Variants in GRHL3 observed in about 807,000 individuals in gnomAD.
The protein encoded by GRHL3 is grainyhead-like protein 3 homolog.
In GRHL3, 20 loss-of-function variants were observed where a neutral mutation model predicts 70.3. The ratio of observed to expected loss-of-function variants is 0.28; its 90% CI spans 0.20 to 0.41. The LOEUF (loss-of-function observed/expected upper bound fraction) is 0.41. GRHL3 is among the 10% of genes least tolerant of loss of function. GRHL3 has a pLI of 1.00. For synonymous variants in GRHL3, 299 were observed against 299.9 expected (o/e 1.00, Z 0.03); for missense variants, 637 against 762.3 (o/e 0.84, Z 1.94).
chr1:24,334,768 C>T lies in GRHL3; in HGVS notation c.266+62C>T, dbSNP rs1639732541. ...CCCCACCTCCACCTGGAGCCTCTTC[C>T]ACACAGGTTTGACTTATCCATTAGG... On this transcript the variant is annotated intron_variant, in intron 3 of 15. Transcript: ENST00000361548. The surrounding 1 kb of genome is among the most constrained non-coding windows in gnomAD (Gnocchi z 4.3). 9.3e-6 allele frequency: 13 copies of T among 1,390,444 alleles called. No individual in the cohort carries two copies. Among genetic ancestry groups the T allele is most frequent in the African/African-American group, 1.4e-5 (1 of 70,458 alleles). The allele number at this position is 1,390,444 out of a possible 1,614,324, so 86.1% of individuals were successfully genotyped here.
intron 1 of GRHL3, among the ~76,000 whole-genome samples, chr1:24,320,705 T>A (rs921842518): frequency 6.6e-6 from 1 of 152,238 alleles, no homozygotes; most frequent in African/African-American, 2.4e-5. Flanking sequence ...GCTCTTCATG[T>A]TCACAGCACA....
At chr1:24,343,880 C>T (rs185421783) in intron 11 of GRHL3, among the ~76,000 whole-genome samples, 6 of 152,276 alleles carry the variant, frequency 3.9e-5, no homozygotes, top group East Asian at 1.9e-4. Flanking sequence ...TAGACAGTGG[C>T]GCTGAGAAGA....
chr1:24,360,922 G>T (rs748824680), intron 15 of GRHL3: 3 of 1,614,050 alleles, frequency 1.9e-6, no homozygotes, highest in Non-Finnish European at 2.5e-6. Flanking sequence ...TGATGCACTA[G>T]AGATGAAATG....
intron 15 of GRHL3, 50 bp downstream of exon 15, chr1:24,350,172 T>C: frequency 6.8e-7 from 1 of 1,473,226 alleles, no homozygotes; most frequent in Non-Finnish European, 9.4e-7. Context: ...TGCTGAGCAA[T>C]GTTTGTACTT....
At chr1:24,359,025 G>A (rs1256948148), downstream of GRHL3, among the ~76,000 whole-genome samples, 1 of 152,180 alleles carries the variant, frequency 6.6e-6, no homozygotes, top group Non-Finnish European at 1.5e-5. This position sits in a 1 kb window ranked among gnomAD's most constrained non-coding sequence, Gnocchi z 5.3. Context: ...TAGGAGATGA[G>A]CAGGGCTTGG....
Position 24,335,157 on chromosome 1 carries a change from T to A in GRHL3, c.266+451T>A, listed in dbSNP as rs142728615. On this transcript the variant is annotated intron_variant, in intron 3 of 15. Transcript: ENST00000361548. ...GTAATAGAAAAGCCCTGGGGACAGCTTTTCTTTCTCAGCTTCAAAACCCTC... is the reference window on the plus strand; with the variant it reads ...GTAATAGAAAAGCCCTGGGGACAGCATTTCTTTCTCAGCTTCAAAACCCTC... 1.0e-3 allele frequency among the ~76,000 whole-genome samples: 159 copies of A among 152,166 alleles called. 1 individual carries two copies. Among genetic ancestry groups the A allele is most frequent in the African/African-American group, 3.7e-3 (154 of 41,514 alleles).
At chr1:24,328,793 C>T (rs549251665) in intron 1 of GRHL3, among the ~76,000 whole-genome samples, 31 of 152,312 alleles carry the variant, frequency 2.0e-4, no homozygotes, top group Non-Finnish European at 4.3e-4. Flanking sequence ...TAAGCATTTT[C>T]TTGTGCTGAT....
At position 24,354,806 on chromosome 1, in the gene GRHL3, T is replaced by A; in HGVS notation, c.*318T>A. ...CTCCTCCCAAGACCCTTGTCTGCAG[T>A]GGTGCTCCTGCAGGCTGCCCGTTAA... On this transcript the variant is annotated 3_prime_UTR_variant, in exon 16 of 16. Transcript: ENST00000361548. 4.9e-6 allele frequency: 1 copy of A among 206,088 alleles called. No individual in the cohort carries two copies. Among genetic ancestry groups the A allele is most frequent in the South Asian group, 1.0e-4 (1 of 10,042 alleles). The allele number at this position is 206,088 out of a possible 1,614,324, so 12.8% of individuals were successfully genotyped here.
In GRHL3 at chr1:24,342,301, G is replaced by T. The variant is rs764528461; in HGVS notation, c.1206+28G>T. 1 of 1,556,504 alleles carries T rather than the reference G, an allele frequency of 6.4e-7. No homozygotes were observed. ...GGCTGGACTGGGCAGACCCTATACT[G>T]GGTCCCGGGGAGGTAGAAGGGCCAA... On this transcript the variant is annotated intron_variant, in intron 9 of 15. Transcript: ENST00000361548. This position sits in a 1 kb window ranked among gnomAD's most constrained non-coding sequence, Gnocchi z 4.8.
chr1:24,338,794 G>A (rs1312609955), intron 7 of GRHL3, among the ~76,000 whole-genome samples: 2 of 152,236 alleles, frequency 1.3e-5, no homozygotes, highest in Non-Finnish European at 1.5e-5. Flanking sequence ...GAGCCAGACA[G>A]ATCTGAGCTT....
rs189725583 is a variant in GRHL3 at position 24,323,779 on chromosome 1, C to T, written c.17+4211C>T. Among the ~76,000 whole-genome samples the T allele has an allele frequency of 4.6e-5, 7 of 152,352 alleles. No homozygotes were observed. The South Asian group carries it at 6.2e-4, about 14-fold the overall frequency. On this transcript the variant is annotated intron_variant, in intron 1 of 15. Coordinates refer to ENST00000361548, the MANE Select transcript of GRHL3 (RefSeq NM_198173.3). ...AATAATCCTGGCTGGCTGCCTCCCC[C>T]TCTCTATTCCTTTTGCCTCCTAAAA...
At chr1:24,337,866 C>T in intron 6 of GRHL3, 77 bp downstream of exon 6, 1 of 1,593,942 alleles carries the variant, frequency 6.3e-7, no homozygotes, top group East Asian at 2.2e-5. Flanking sequence ...GCCACGGACC[C>T]TGGGGAAAGG....
Position 24,342,881 on chromosome 1 carries a change from T to C in GRHL3, c.1286-11T>C. On this transcript the variant is annotated splice_polypyrimidine_tract_variant and intron_variant, in intron 10 of 15. Transcript: ENST00000361548. This position sits in a 1 kb window ranked among gnomAD's most constrained non-coding sequence, Gnocchi z 4.8. ...GGACCTCGGGGCACATTGGCTTCCT[T>C]CTCCCATCAGGCGTCAAGGGCTGCC... 1 of 1,614,056 alleles carries C rather than the reference T, an allele frequency of 6.2e-7. No homozygotes were observed. The highest frequency in any genetic ancestry group is 8.5e-7 in the Non-Finnish European group (1 of 1,179,990).
At chr1:24,335,563 TG>T (rs1362714451) in intron 3 of GRHL3, among the ~76,000 whole-genome samples, 2 of 150,018 alleles carry the variant, frequency 1.3e-5, no homozygotes, top group Admixed American at 1.3e-4. Flanking sequence ...TTTGGGTACA[TG>T]GGGACCTTTC....
In GRHL3 at chr1:24,354,379, T is replaced by C; in HGVS notation, c.1700T>C (p.Leu567Ser). 1.2e-6 allele frequency: 2 copies of C among 1,610,882 alleles called. No homozygotes were observed. The highest frequency in any genetic ancestry group is 1.7e-4 in the Middle Eastern group (1 of 6,058). Residue 567 changes from leucine (L) to serine (S), a missense_variant, in exon 16 of 16, where the codon TTA (leucine) becomes TCA (serine). Coordinates refer to ENST00000361548, the MANE Select transcript of GRHL3 (RefSeq NM_198173.3). ...CATCCCCTCTTCCATTCCAGAATCT[T>C]AGTCAACATGGACAACAACATCATT... ...KVYKKCKRGILVNMDNNIIQH... is the reference protein window; with the variant it reads ...KVYKKCKRGISVNMDNNIIQH...
chr1:24,339,821 G>T (rs1403562778), intron 8 of GRHL3, 59 bp downstream of exon 8: 1 of 1,126,208 alleles, frequency 8.9e-7, no homozygotes, highest in Non-Finnish European at 1.3e-6. Context: ...CCCTATTCTG[G>T]GGTAGAGGCT....
At chr1:24,353,633 C>G (rs1640601996) in intron 15 of GRHL3, among the ~76,000 whole-genome samples, 1 of 151,964 alleles carries the variant, frequency 6.6e-6, no homozygotes, top group South Asian at 2.1e-4. Context: ...GCTCAGAAGA[C>G]AGCAGGGAAG....
chr1:24,356,801 C>T (rs1640737003), downstream of GRHL3, among the ~76,000 whole-genome samples: 1 of 152,234 alleles, frequency 6.6e-6, no homozygotes, highest in Non-Finnish European at 1.5e-5. Flanking sequence ...TGCTTCTCTC[C>T]ACTTAAATAT....
chr1:24,335,028 C>CACACAA (rs1639743371), intron 3 of GRHL3, among the ~76,000 whole-genome samples: 1 of 137,558 alleles, frequency 7.3e-6, no homozygotes, highest in Non-Finnish European at 1.5e-5. Flanking sequence ...CACACACACA[C>CACACAA]ACACACACAC....
Sources: allele counts gnomAD v4.1 joint callset (sites outside exome capture counted in the v4.1 genomes callset), GRCh38; gene constraint gnomAD v4.1.1; non-coding constraint Gnocchi (gnomAD v3.1); transcripts MANE v1.5; gene names NCBI Gene and HGNC (gene_info 2026-07-23, HGNC 2026-07-21).